Variants in GPR176 observed in about 807,000 individuals in gnomAD.
GPR176 encodes the protein G protein-coupled receptor 176.
In GPR176, 26 loss-of-function variants were observed where a neutral mutation model predicts 35.4. The observed-to-expected ratio is 0.74, with a 90% CI of 0.54 to 1.02. The LOEUF is 1.02. Among genes scored for constraint, GPR176 ranks in the 50% least tolerant of loss-of-function variants. The pLI, the probability that GPR176 is intolerant of heterozygous loss-of-function variation, is 0.00. For synonymous variants in GPR176, 278 were observed against 271.3 expected (o/e 1.02, Z -0.24); for missense variants, 597 against 665.3 (o/e 0.90, Z 1.13).
intron 1 of GPR176, among the ~76,000 whole-genome samples, chr15:39,834,295 T>A (rs1307831098): frequency 2.6e-5 from 4 of 152,206 alleles, no homozygotes; most frequent in African/African-American, 9.6e-5. Context: ...ATTAAAAATA[T>A]TATATTCCAT....
chr15:39,849,758 A>G (rs1020502928), intron 1 of GPR176, among the ~76,000 whole-genome samples: 1 of 152,168 alleles, frequency 6.6e-6, no homozygotes, highest in Admixed American at 6.6e-5. Flanking sequence ...CGTGATAAAC[A>G]TTTACAGAAC....
At chr15:39,892,907 C>G (rs1017996562) in intron 1 of GPR176, among the ~76,000 whole-genome samples, 2 of 152,222 alleles carry the variant, frequency 1.3e-5, no homozygotes, top group Non-Finnish European at 2.9e-5. Flanking sequence ...GAAACTAATG[C>G]GGCCAAGCTC....
chr15:39,858,097 G>C (rs535472110), intron 1 of GPR176, among the ~76,000 whole-genome samples: 1 of 152,210 alleles, frequency 6.6e-6, no homozygotes, highest in East Asian at 1.9e-4. Context: ...TGTGGAGGAA[G>C]AGGAAATCTG....
Position 39,801,387 on chromosome 15 carries a change from TAC to T in GPR176, c.1291_1292del (p.Val431IlefsTer12). 1.2e-6 allele frequency: 2 copies of T among 1,614,202 alleles called. No individual in the cohort carries two copies. Among genetic ancestry groups the T allele is most frequent in the Non-Finnish European group, 1.7e-6 (2 of 1,180,026 alleles). On this transcript the variant is annotated frameshift_variant, in exon 3 of 3. Coordinates refer to ENST00000561100, the MANE Select transcript of GPR176 (RefSeq NM_007223.3). LOFTEE classifies it high-confidence loss of function. ...CAGGGGCTGCCGGTGCCACCTGGGA[TAC>T]AGAGTCCACTGTGCTCAGGGGTGGG... is the stretch of plus-strand genomic sequence containing the variant. Reference protein sequence around the residue: ...SAPPLSTVDSVSQVAPAAPVE... With the variant: ...SAPPLSTVDSXSQVAPAAPVE...
intron 1 of GPR176, among the ~76,000 whole-genome samples, chr15:39,894,111 CG>C: frequency 2.4e-5 from 2 of 84,058 alleles, no homozygotes; most frequent in African/African-American, 4.8e-5. Context: ...CCCTCCCGGA[CG>C]GGGCGGCTGG....
chr15:39,873,378 T>C (rs2032120853), intron 1 of GPR176, among the ~76,000 whole-genome samples: 1 of 152,118 alleles, frequency 6.6e-6, no homozygotes, highest in African/African-American at 2.4e-5. Context: ...ATGGGAAACA[T>C]TTCAGGGGCA....
In GPR176 at chr15:39,801,136, G is replaced by T; in HGVS notation, c.1544C>A (p.Ser515Tyr). ...TCCAAGAATTTACAATCCTTGCTAG[G>T]AATCCACCTTTGGAAAAATGCTCAC... ...NKVSIFPKVD[S>Y] is the part of the protein sequence containing the mutation. The change falls in exon 3 of 3, where the codon TCC becomes TAC. Residue 515 changes from serine to tyrosine, a missense_variant. By Grantham distance (144) the Ser-to-Tyr change is moderately radical (BLOSUM62 -2). This residue lies in a region of GPR176 where 251 missense variants were observed against 255.4 expected (regional missense o/e 0.98). Coordinates refer to ENST00000561100, the MANE Select transcript of GPR176 (RefSeq NM_007223.3). 2 of 1,595,256 alleles carry T rather than the reference G, an allele frequency of 1.3e-6. No homozygotes were observed. Among genetic ancestry groups the T allele is most frequent in the South Asian group, 2.3e-5 (2 of 88,266 alleles).
chr15:39,804,007 G>A (rs659890), intron 2 of GPR176, among the ~76,000 whole-genome samples: 6,806 of 152,206 alleles, frequency 0.045, 384 homozygotes, highest in African/African-American at 0.13. Flanking sequence ...TTCTCTGAAT[G>A]TAGATAGTTT....
At chr15:39,888,684 A>C (rs1309982469) in intron 1 of GPR176, among the ~76,000 whole-genome samples, 1 of 152,140 alleles carries the variant, frequency 6.6e-6, no homozygotes, top group Non-Finnish European at 1.5e-5. Context: ...TTCCCCTACA[A>C]TGTGTAAATC....
At chr15:39,834,809 A>T (rs1476000346) in intron 1 of GPR176, among the ~76,000 whole-genome samples, 1 of 152,120 alleles carries the variant, frequency 6.6e-6, no homozygotes, top group African/African-American at 2.4e-5. Flanking sequence ...GCTGAGGAAA[A>T]GTGGGGATAA....
At chr15:39,910,908 T>C (rs1303822439) in intron 1 of GPR176, among the ~76,000 whole-genome samples, 1 of 151,918 alleles carries the variant, frequency 6.6e-6, no homozygotes, top group Non-Finnish European at 1.5e-5. Flanking sequence ...CGTGGTGGCA[T>C]GCACCTGTAA....
chr15:39,882,786 G>C lies in GPR176; in HGVS notation c.172+37069C>G, dbSNP rs780170499. Among the ~76,000 whole-genome samples, 6 of 152,118 alleles carry C rather than the reference G, an allele frequency of 3.9e-5. No homozygotes were observed. In the South Asian group the frequency reaches 8.3e-4, roughly 21 times the overall value. ...ATGTTCTGCAAAGAAATGGGCAGAG[G>C]GCATTAGACTGATTGTTCCCCCAGA... is the stretch of plus-strand genomic sequence containing the variant. On this transcript the variant is annotated intron_variant, in intron 1 of 2. Coordinates refer to ENST00000561100, the MANE Select transcript of GPR176 (RefSeq NM_007223.3).
intron 1 of GPR176, among the ~76,000 whole-genome samples, chr15:39,879,389 T>G (rs2032382513): frequency 6.6e-6 from 1 of 152,160 alleles, no homozygotes; most frequent in South Asian, 2.1e-4. Flanking sequence ...TCAGTGGTCA[T>G]CAGCTGATAT....
chr15:39,807,173 C>A lies in GPR176; in HGVS notation c.258G>T (p.Ser86=). Residue 86 remains serine, a synonymous_variant, in exon 2 of 3, where the codon TCG becomes TCT. Coordinates refer to ENST00000561100, the MANE Select transcript of GPR176 (RefSeq NM_007223.3). ...TNRFIKNLAC[S]GICASLVCVP... is the part of the protein sequence containing the mutation. Reference sequence around the variant, plus strand: ...CACAGACCAGGCTGGCACAAATCCCCGAGCAGGCCAGGTTTTTAATGAACC... The same window carrying A: ...CACAGACCAGGCTGGCACAAATCCCAGAGCAGGCCAGGTTTTTAATGAACC... 6.2e-7 allele frequency: 1 copy of A among 1,613,720 alleles called. No homozygotes were observed.
intron 1 of GPR176, 130 bp from the exon 2 acceptor site, chr15:39,807,388 C>T (rs1315102929): frequency 8.4e-6 from 6 of 714,462 alleles, no homozygotes; most frequent in East Asian, 3.0e-5. Flanking sequence ...AATGTAAATC[C>T]TAATATTAAA....
Position 39,903,733 on chromosome 15 carries a change from T to C in GPR176, c.172+16122A>G, listed in dbSNP as rs186496844. Among the ~76,000 whole-genome samples, 6 of 152,238 alleles carry C rather than the reference T, an allele frequency of 3.9e-5. No homozygotes were observed. The East Asian group carries it at 1.2e-3, about 29-fold the overall frequency. ...GGAGACTTTGAACAAAACTGCATCA[T>C]GAATTTTAAGTAGGGGGAAAAATGC... On this transcript the variant is annotated intron_variant, in intron 1 of 2. Coordinates refer to ENST00000561100, the MANE Select transcript of GPR176 (RefSeq NM_007223.3).
intron 1 of GPR176, among the ~76,000 whole-genome samples, chr15:39,871,111 T>C (rs887229799): frequency 6.6e-6 from 1 of 152,308 alleles, no homozygotes; most frequent in East Asian, 1.9e-4. Context: ...AATAGAAAAC[T>C]AATACAGTTG....
intron 2 of GPR176, among the ~76,000 whole-genome samples, chr15:39,806,370 G>C (rs912661062): frequency 1.8e-4 from 27 of 152,294 alleles, no homozygotes; most frequent in African/African-American, 6.3e-4. Flanking sequence ...AGAAAGGCAG[G>C]AATTTGCTGA....
intron 1 of GPR176, among the ~76,000 whole-genome samples, chr15:39,889,155 T>C (rs781267514): frequency 6.6e-6 from 1 of 152,238 alleles, no homozygotes; most frequent in Non-Finnish European, 1.5e-5. Context: ...GACTCCAAGA[T>C]GGAGACAATT....
Sources: gnomAD v4.1 joint callset for allele counts (sites outside exome capture counted in the v4.1 genomes callset) on GRCh38, gnomAD v4.1.1 for gene constraint, gnomAD v4.1.1 regional missense constraint, MANE v1.5 for transcripts, NCBI Gene and HGNC (gene_info 2026-07-23, HGNC 2026-07-21) for gene names.